The following LRMDA variants were observed in gnomAD, a reference collection of about 807,000 sequenced individuals.
LRMDA encodes leucine rich melanocyte differentiation associated, also known as leucine-rich melanocyte differentiation-associated protein.
A neutral mutation model predicts 29.8 loss-of-function variants in LRMDA; 18 were observed. The ratio of observed to expected loss-of-function variants is 0.60; its 90% CI spans 0.42 to 0.90. The LOEUF (loss-of-function observed/expected upper bound fraction) is 0.90, where lower values mean the gene tolerates loss of function less well. Ranked by LOEUF, LRMDA falls within the 40% of genes least tolerant of loss-of-function variation. The pLI is 0.00. For synonymous variants in LRMDA, 125 were observed against 109.4 expected, an observed-to-expected ratio of 1.14 and a Z score of -0.89; for missense variants, 273 against 273.9, an observed-to-expected ratio of 1.00 and a Z score of 0.02.
chr10:75,663,172 G>A (rs971601738), intron 2 of LRMDA, among the ~76,000 whole-genome samples: 1 of 152,138 alleles, frequency 6.6e-6, no homozygotes, highest in African/African-American at 2.4e-5. Flanking sequence ...ATTTTTTGTA[G>A]AGGACTCTTA....
intron 5 of LRMDA, among the ~76,000 whole-genome samples, chr10:76,174,292 A>T (rs1178056936): frequency 2.0e-5 from 3 of 152,114 alleles, no homozygotes; most frequent in African/African-American, 2.4e-5. Flanking sequence ...CAAAAATTTT[A>T]AAAAATTAAT....
chr10:75,775,734 G>C (rs1843303115), intron 2 of LRMDA, among the ~76,000 whole-genome samples: 1 of 152,184 alleles, frequency 6.6e-6, no homozygotes, highest in African/African-American at 2.4e-5. Context: ...CAGTCTTCTT[G>C]TTCCCACCTC....
intron 6 of LRMDA, among the ~76,000 whole-genome samples, chr10:76,529,967 G>A (rs1174321637): frequency 6.6e-6 from 1 of 152,124 alleles, no homozygotes; most frequent in East Asian, 1.9e-4. Flanking sequence ...TTGAGGCCAA[G>A]CATAAGGGCT....
At chr10:75,861,770 C>T (rs573288853) in intron 2 of LRMDA, among the ~76,000 whole-genome samples, 2 of 152,254 alleles carry the variant, frequency 1.3e-5, no homozygotes, top group South Asian at 4.1e-4. Flanking sequence ...TAGTAGTTCC[C>T]TTTTATATCT....
At chr10:75,752,109 A>G (rs1450807815) in intron 2 of LRMDA, among the ~76,000 whole-genome samples, 1 of 150,982 alleles carries the variant, frequency 6.6e-6, no homozygotes, top group Non-Finnish European at 1.5e-5. Context: ...TTTGGCCTTT[A>G]GTAATAATTT....
At chr10:76,078,851 A>C (rs376089505) in intron 5 of LRMDA, among the ~76,000 whole-genome samples, 2 of 123,692 alleles carry the variant, frequency 1.6e-5, no homozygotes, top group South Asian at 2.4e-4. Context: ...AAAAACAAAC[A>C]AACAAAAAAA....
chr10:75,943,008 G>A (rs970334871), intron 2 of LRMDA, among the ~76,000 whole-genome samples: 1 of 152,036 alleles, frequency 6.6e-6, no homozygotes, highest in African/African-American at 2.4e-5. Context: ...ATAAAGAAAT[G>A]GGCCACTTTG....
chr10:75,970,193 G>A (rs1846941892), intron 2 of LRMDA, among the ~76,000 whole-genome samples: 1 of 152,192 alleles, frequency 6.6e-6, no homozygotes, highest in South Asian at 2.1e-4. Flanking sequence ...TGTGGAAAAG[G>A]AGTGGGCTGG....
intron 6 of LRMDA, among the ~76,000 whole-genome samples, chr10:76,472,308 C>A (rs373967487): frequency 6.6e-6 from 1 of 151,596 alleles, no homozygotes; most frequent in Non-Finnish European, 1.5e-5. Flanking sequence ...GCTGAATTGC[C>A]ATTAGTCAAA....
chr10:75,559,967 G>T (rs1589183841), intron 2 of LRMDA, among the ~76,000 whole-genome samples: 3 of 147,864 alleles, frequency 2.0e-5, no homozygotes, highest in African/African-American at 7.3e-5. Flanking sequence ...CAGGTAGCAT[G>T]ATGCCTCCAG....
intron 2 of LRMDA, among the ~76,000 whole-genome samples, chr10:75,499,660 G>A (rs907630296): frequency 1.3e-5 from 2 of 152,206 alleles, no homozygotes; most frequent in African/African-American, 2.4e-5. Context: ...ACCAAAACTT[G>A]GGCTGGGAGT....
intron 5 of LRMDA, among the ~76,000 whole-genome samples, chr10:76,190,724 G>A (rs1851229342): frequency 6.6e-6 from 1 of 152,160 alleles, no homozygotes; most frequent in Admixed American, 6.5e-5. Context: ...AGCATTCAGA[G>A]GGGGAAAGAG....
chr10:75,468,871 G>A (rs571563751), intron 2 of LRMDA, among the ~76,000 whole-genome samples: 2 of 152,216 alleles, frequency 1.3e-5, no homozygotes, highest in South Asian at 4.1e-4. Context: ...GGCATGGATT[G>A]TATTAGACCT....
intron 2 of LRMDA, among the ~76,000 whole-genome samples, chr10:75,820,015 AAAT>A (rs1564576928): frequency 6.6e-6 from 1 of 152,240 alleles, no homozygotes; most frequent in Non-Finnish European, 1.5e-5. Flanking sequence ...CCAGAATCAT[AAAT>A]AATATTAGAC....
In LRMDA at chr10:76,445,005, T is replaced by C. The variant is rs554497713; in HGVS notation, c.602-112204T>C. On this transcript the variant is annotated intron_variant, in intron 6 of 6. Transcript: ENST00000611255. ...TGTGTATATAGGTATTCCCATCGTA[T>C]GTGCATGTATAGTGTGCCTATGAAG... Among the ~76,000 whole-genome samples the C allele has an allele frequency of 5.3e-4, 81 of 152,280 alleles. 1 individual carries two copies. Among genetic ancestry groups the C allele is most frequent in the Middle Eastern group, 3.4e-3 (1 of 294 alleles).
intron 4 of LRMDA, among the ~76,000 whole-genome samples, chr10:76,052,740 G>T (rs1848551133): frequency 6.6e-6 from 1 of 152,066 alleles, no homozygotes; most frequent in Non-Finnish European, 1.5e-5. Flanking sequence ...AGAGACAAAT[G>T]GGTCTTTAAG....
chr10:75,564,874 T>A (rs909566984), intron 2 of LRMDA, among the ~76,000 whole-genome samples: 1 of 152,224 alleles, frequency 6.6e-6, no homozygotes, highest in African/African-American at 2.4e-5. Flanking sequence ...CTGTAAGGGA[T>A]TCACCAGATT....
chr10:76,412,610 C>T (rs887502302), intron 6 of LRMDA, among the ~76,000 whole-genome samples: 2 of 152,132 alleles, frequency 1.3e-5, no homozygotes, highest in African/African-American at 4.8e-5. Context: ...ACATACAAAG[C>T]AGTATGATTC....
intron 5 of LRMDA, among the ~76,000 whole-genome samples, chr10:76,141,482 T>C (rs905433572): frequency 6.6e-6 from 1 of 152,164 alleles, no homozygotes; most frequent in Non-Finnish European, 1.5e-5. Context: ...CTGATTGTTA[T>C]AGAACAAATG....
Sources: allele counts gnomAD v4.1 joint callset (sites outside exome capture counted in the v4.1 genomes callset), GRCh38; gene constraint gnomAD v4.1.1; transcripts MANE v1.5; gene names NCBI Gene and HGNC (gene_info 2026-07-23, HGNC 2026-07-21).